VCAN: variants seen among roughly 807,000 people sequenced by gnomAD.
The protein encoded by VCAN is versican core protein.
In VCAN, 44 loss-of-function variants were observed where a neutral mutation model predicts 245.5. The ratio of observed to expected loss-of-function variants is 0.18; its 90% CI spans 0.14 to 0.23. VCAN has a LOEUF of 0.23. VCAN is among the 10% of genes least tolerant of loss of function. The probability of loss-of-function intolerance (pLI) is 1.00; values close to 1 mark genes in which losing one functional copy is unlikely to be tolerated. For missense variants in VCAN, 3,793 were observed against 4,057.9 expected, an observed-to-expected ratio of 0.93 and a Z score of 1.77; for synonymous variants, 1,413 against 1,437.0, an observed-to-expected ratio of 0.98 and a Z score of 0.38.
At chr5:83,481,609 C>T (rs921591232) in intron 1 of VCAN, among the ~76,000 whole-genome samples, 4 of 152,040 alleles carry the variant, frequency 2.6e-5, no homozygotes, top group Middle Eastern at 3.2e-3. Flanking sequence ...GGATAAATAA[C>T]AAACTTAATT....
intron 2 of VCAN, among the ~76,000 whole-genome samples, chr5:83,485,214 G>A (rs372880778): frequency 6.6e-6 from 1 of 152,254 alleles, no homozygotes; most frequent in African/African-American, 2.4e-5. Context: ...CCAATTCATA[G>A]GAGTGTGTGC....
intron 5 of VCAN, among the ~76,000 whole-genome samples, chr5:83,495,969 C>T (rs1745147976): frequency 6.6e-6 from 1 of 152,182 alleles, no homozygotes; most frequent in Non-Finnish European, 1.5e-5. Flanking sequence ...TCTTAGCTCT[C>T]TAAGGCTCTA....
chr5:83,520,959 C>T lies in VCAN; in HGVS notation c.2653C>T (p.Pro885Ser). Residue 885 changes from proline to serine, a missense_variant, in exon 7 of 15, where the codon CCA becomes TCA. By Grantham distance (74) the Pro-to-Ser change is moderately conservative (BLOSUM62 -1). Coordinates refer to ENST00000265077, the MANE Select transcript of VCAN (RefSeq NM_004385.5). ...TGGAAAATTCACAATTAGATTTCAGCCAACTACATCAACTGGTATTGCAGA... is the reference window on the plus strand; with the variant it reads ...TGGAAAATTCACAATTAGATTTCAGTCAACTACATCAACTGGTATTGCAGA... ...AHGKFTIRFQ[P>S]TTSTGIAEKS... The T allele has an allele frequency of 6.2e-7, 1 of 1,614,098 alleles. No homozygotes were observed. Among genetic ancestry groups the T allele is most frequent in the East Asian group, 2.2e-5 (1 of 44,878 alleles).
At chr5:83,544,027 G>C (rs1281535525) in intron 8 of VCAN, among the ~76,000 whole-genome samples, 1 of 152,226 alleles carries the variant, frequency 6.6e-6, no homozygotes, top group African/African-American at 2.4e-5. Context: ...TCTAGTGTCA[G>C]TGGTAGGAAT....
intron 7 of VCAN, among the ~76,000 whole-genome samples, chr5:83,525,173 A>C (rs1455959444): frequency 6.6e-6 from 1 of 151,944 alleles, no homozygotes; most frequent in African/African-American, 2.4e-5. Context: ...TGTAGTTAGC[A>C]GTTAAAAAAA....
Position 83,538,168 on chromosome 5 carries a change from A to G in VCAN, c.5165A>G (p.Glu1722Gly), listed in dbSNP as rs1746801110. The G allele has an allele frequency of 6.2e-7, 1 of 1,613,862 alleles. No individual in the cohort carries two copies. The highest frequency in any genetic ancestry group is 1.7e-5 in the Admixed American group (1 of 59,978). The change falls in exon 8 of 15, where the codon GAA (glutamate) becomes GGA (glycine). Residue 1722 changes from glutamate (E) to glycine (G), a missense_variant. Glu to Gly is a moderately conservative substitution (Grantham distance 98, BLOSUM62 -2). This residue lies in a region of VCAN where 3,182 missense variants were observed against 3,250.3 expected (regional missense o/e 0.98). Coordinates refer to ENST00000265077, the MANE Select transcript of VCAN (RefSeq NM_004385.5). ...TGGATTTCCAGTACCACTGTTGAGGAAAAGAAAAGGAAGGAGGAGGAGGGA... is the reference window on the plus strand; with the variant it reads ...TGGATTTCCAGTACCACTGTTGAGGGAAAGAAAAGGAAGGAGGAGGAGGGA... ...SEWISSTTVE[E>G]KKRKEEEGTT...
Position 83,553,463 on chromosome 5 carries a change from G to A in VCAN, c.9593G>A (p.Arg3198His), listed in dbSNP as rs533779960. 2.7e-5 allele frequency: 43 copies of A among 1,614,062 alleles called. No homozygotes were observed. Among genetic ancestry groups the A allele is most frequent in the Admixed American group, 3.3e-5 (2 of 60,006 alleles). Residue 3198 changes from arginine to histidine, a missense_variant, in exon 11 of 15, where the codon CGT (arginine) becomes CAT (histidine). By Grantham distance (29) the Arg-to-His change is conservative (BLOSUM62 0). Coordinates refer to ENST00000265077, the MANE Select transcript of VCAN (RefSeq NM_004385.5). ...TGGGATGCAGCTGAACGGGAATGCCGTCTGCAGGGTGCCCATCTCACAAGC... is the reference window on the plus strand; with the variant it reads ...TGGGATGCAGCTGAACGGGAATGCCATCTGCAGGGTGCCCATCTCACAAGC... ...RTWDAAEREC[R>H]LQGAHLTSIL...
At chr5:83,552,178 A>G (rs1384492194) in intron 10 of VCAN, among the ~76,000 whole-genome samples, 4 of 152,226 alleles carry the variant, frequency 2.6e-5, no homozygotes, top group African/African-American at 9.6e-5. Flanking sequence ...CCACAGTTAT[A>G]GAAAGAGGAG....
At chr5:83,565,960 T>C (rs1172832101) in intron 12 of VCAN, among the ~76,000 whole-genome samples, 1 of 148,572 alleles carries the variant, frequency 6.7e-6, no homozygotes, top group Non-Finnish European at 1.5e-5. Flanking sequence ...GAAAAACTGC[T>C]TTTTTTTTTC....
intron 12 of VCAN, among the ~76,000 whole-genome samples, chr5:83,563,438 A>C (rs1298979997): frequency 6.6e-6 from 1 of 152,184 alleles, no homozygotes; most frequent in Non-Finnish European, 1.5e-5. Flanking sequence ...TAAAGGTACC[A>C]AATGTTTTGA....
At chr5:83,512,534 CA>C in intron 6 of VCAN, 138 bp downstream of exon 6, 1 of 1,143,766 alleles carries the variant, frequency 8.7e-7, no homozygotes, top group Non-Finnish European at 1.2e-6. Context: ...CAGTGATTTT[CA>C]AAAGCAAGCA....
At chr5:83,475,615 GAGA>G (rs1281373498) in intron 1 of VCAN, among the ~76,000 whole-genome samples, 1 of 152,210 alleles carries the variant, frequency 6.6e-6, no homozygotes. Context: ...GTACATCAGG[GAGA>G]AGGTCTCCAA....
intron 12 of VCAN, among the ~76,000 whole-genome samples, chr5:83,566,980 T>G (rs1748104053): frequency 6.6e-6 from 1 of 152,204 alleles, no homozygotes; most frequent in Admixed American, 6.5e-5. Flanking sequence ...TATTAGCTGT[T>G]AGATTTTGTC....
intron 5 of VCAN, among the ~76,000 whole-genome samples, chr5:83,508,525 CATT>C (rs1411534846): frequency 6.6e-6 from 1 of 152,132 alleles, no homozygotes; most frequent in African/African-American, 2.4e-5. Context: ...TTCACTATAT[CATT>C]AGGTTTTTGA....
chr5:83,576,646 AT>A (rs1286895659), intron 13 of VCAN, among the ~76,000 whole-genome samples: 1 of 151,924 alleles, frequency 6.6e-6, no homozygotes, highest in Non-Finnish European at 1.5e-5. Context: ...AAAAAGCCAA[AT>A]TTTTTTCCAA....
At chr5:83,569,789 C>T (rs768004948) in intron 12 of VCAN, among the ~76,000 whole-genome samples, 17 of 152,070 alleles carry the variant, frequency 1.1e-4, no homozygotes, top group Non-Finnish European at 4.4e-5. Context: ...TTGGCGAACT[C>T]TGGAATCTTT....
chr5:83,580,131 A>G lies in VCAN; in HGVS notation c.10032A>G (p.Arg3344=). ...CTATCCGGTGCTTAGGAAATGGAAG[A>G]TGGGCTATACCTAAAATTACCTGCA... The part of the protein sequence containing the change: ...LPTIRCLGNG[R]WAIPKITCMN... Residue 3344 remains arginine, a synonymous_variant, in exon 14 of 15, where the codon AGA becomes AGG. Coordinates refer to ENST00000265077, the MANE Select transcript of VCAN (RefSeq NM_004385.5). 6.2e-7 allele frequency: 1 copy of G among 1,614,096 alleles called. No homozygotes were observed. Among genetic ancestry groups the G allele is most frequent in the Non-Finnish European group, 8.5e-7 (1 of 1,179,994 alleles).
chr5:83,566,046 C>G lies in VCAN; in HGVS notation c.9736-6370C>G, dbSNP rs1248156263. 1.2e-4 allele frequency among the ~76,000 whole-genome samples: 6 copies of G among 50,982 alleles called. No individual in the cohort carries two copies. The Admixed American group carries it at 1.3e-3, about 11-fold the overall frequency. 33.4% of individuals were successfully genotyped at this position (50,982 alleles called of 152,430 possible). ...TGGCGTGATCTTTGCTCACTGCAAC[C>G]TCCGCCTCCCGGGTTAAGTGATTCT... On this transcript the variant is annotated intron_variant, in intron 12 of 14. Coordinates refer to ENST00000265077, the MANE Select transcript of VCAN (RefSeq NM_004385.5).
chr5:83,550,743 C>T (rs955940170), intron 10 of VCAN, among the ~76,000 whole-genome samples: 4 of 151,764 alleles, frequency 2.6e-5, no homozygotes, highest in South Asian at 2.1e-4. Context: ...AAAAATTAGC[C>T]GGGTGTGGTG....
Sources: allele counts gnomAD v4.1 joint callset (sites outside exome capture counted in the v4.1 genomes callset), GRCh38; gene constraint gnomAD v4.1.1; regional missense constraint gnomAD v4.1.1; transcripts MANE v1.5; gene names NCBI Gene and HGNC (gene_info 2026-07-23, HGNC 2026-07-21).